The following HPD variants were observed in gnomAD, a reference collection of about 807,000 sequenced individuals.
HPD encodes 4-hydroxyphenylpyruvic acid oxidase.
A neutral mutation model predicts 56.9 loss-of-function variants in HPD; 35 were observed. That is an observed-to-expected ratio of 0.62 (90% CI 0.47 to 0.82). The LOEUF is 0.82. Ranked by LOEUF, HPD falls within the 40% of genes least tolerant of loss-of-function variation. HPD has a pLI of 0.00. For synonymous variants in HPD, 186 were observed against 200.2 expected, an observed-to-expected ratio of 0.93 and a Z score of 0.60; for missense variants, 442 against 506.8, an observed-to-expected ratio of 0.87 and a Z score of 1.23.
At chr12:121,847,285 C>A in intron 9 of HPD, 71 bp from the exon 10 acceptor site, 1 of 1,410,838 alleles carries the variant, frequency 7.1e-7, no homozygotes. Flanking sequence ...CCATTTCCAC[C>A]TTCCAGAATC....
chr12:121,857,499 G>A (rs1878047812), intron 3 of HPD, 67 bp from the exon 4 acceptor site: 3 of 1,253,064 alleles, frequency 2.4e-6, no homozygotes, highest in African/African-American at 2.9e-5. Context: ...TTCCGCAAGA[G>A]AGCCCCTGGC....
chr12:121,867,994 G>C (rs1878369639), upstream of HPD, among the ~76,000 whole-genome samples: 1 of 152,134 alleles, frequency 6.6e-6, no homozygotes, highest in African/African-American at 2.4e-5. Context: ...CTCTATTGCT[G>C]AGCAGTGTTT....
the HPD span, among the ~76,000 whole-genome samples, chr12:121,887,514 G>A: frequency 6.6e-6 from 1 of 151,972 alleles, no homozygotes; most frequent in Non-Finnish European, 1.5e-5. Context: ...GGGATTACAG[G>A]TGTGTGCCAC....
chr12:121,885,719 T>C, the HPD span, among the ~76,000 whole-genome samples: 11 of 150,752 alleles, frequency 7.3e-5, no homozygotes, highest in African/African-American at 2.4e-4. Context: ...TCCCAGCACA[T>C]TGGGAGGCTA....
Position 121,840,011 on chromosome 12 carries a change from T to C in HPD, c.992A>G (p.Tyr331Cys), listed in dbSNP as rs755071945. 1 of 1,613,002 alleles carries C rather than the reference T, an allele frequency of 6.2e-7. No homozygotes were observed. Among genetic ancestry groups the C allele is most frequent in the South Asian group, 1.1e-5 (1 of 91,020 alleles). Residue 331 changes from tyrosine to cysteine, a missense_variant, in exon 13 of 14, where the codon TAC (tyrosine) becomes TGC (cysteine). Tyr to Cys is a radical substitution (Grantham distance 194). Transcript: ENST00000289004. ...KILVDYDEKG[Y>C]LLQIFTKPVQ... ...CGGTTTGGTGAAGATCTGCAGGAGG[T>C]AGCCTTTCTCGTCGTAGTCCACCAG... is the stretch of plus-strand genomic sequence containing the variant.
At chr12:121,860,705 G>A (rs1046457607), upstream of HPD, among the ~76,000 whole-genome samples, 6 of 152,226 alleles carry the variant, frequency 3.9e-5, no homozygotes. Flanking sequence ...GATCAGATGG[G>A]TTCATAGGAC....
chr12:121,867,395 G>A (rs1463999827), upstream of HPD, among the ~76,000 whole-genome samples: 1 of 150,824 alleles, frequency 6.6e-6, no homozygotes, highest in Non-Finnish European at 1.5e-5. Context: ...GTTGATGCTT[G>A]CATCCAGACT....
rs1254439887 is a variant in HPD, at chr12:121,857,542, G to A, written c.94-110C>T. 5 of 920,588 alleles carry A rather than the reference G, an allele frequency of 5.4e-6. No homozygotes were observed. In the African/African-American group the frequency reaches 6.5e-5, roughly 12 times the overall value. The allele number at this position is 920,588 out of a possible 1,614,324, so 57.0% of individuals were successfully genotyped here. ...AGCCTGCCTGCCCTATTGCCTCAGG[G>A]GCAGAGACCCTCCTGGGAAGATAGA... On this transcript the variant is annotated intron_variant, in intron 3 of 13. Coordinates refer to ENST00000289004, the MANE Select transcript of HPD (RefSeq NM_002150.3).
the HPD span, among the ~76,000 whole-genome samples, chr12:121,886,629 A>G: frequency 6.6e-6 from 1 of 152,124 alleles, no homozygotes; most frequent in African/African-American, 2.4e-5. Context: ...GCAAGTTAGT[A>G]GCAGAAATCA....
chr12:121,856,139 T>G, intron 6 of HPD, 185 bp downstream of exon 6: 1 of 673,056 alleles, frequency 1.5e-6, no homozygotes, highest in Non-Finnish European at 2.7e-6. Flanking sequence ...CACACCAGCA[T>G]CTGGGCTTGT....
chr12:121,843,778 A>G lies in HPD; in HGVS notation c.886T>C (p.Tyr296His). The G allele has an allele frequency of 1.2e-6, 2 of 1,614,118 alleles. No homozygotes were observed. The highest frequency in any genetic ancestry group is 1.7e-5 in the Admixed American group (1 of 60,002). The change falls in exon 12 of 14, where the codon TAC becomes CAC. Residue 296 changes from tyrosine (Y) to histidine (H), a missense_variant. Tyr to His is a moderately conservative substitution (Grantham distance 83). Transcript: ENST00000289004. Reference sequence around the variant, plus strand: ...TTCAGCTTCTCCCGCAGTTGTTTGTAGTACGTGGAGGGAACAGATAAGAAC... The same window carrying G: ...TTCAGCTTCTCCCGCAGTTGTTTGTGGTACGTGGAGGGAACAGATAAGAAC... ...LEFLSVPSTY[Y>H]KQLREKLKTA...
At chr12:121,849,382 A>G (rs1877689110) in intron 8 of HPD, among the ~76,000 whole-genome samples, 1 of 151,974 alleles carries the variant, frequency 6.6e-6, no homozygotes, top group African/African-American at 2.4e-5. Context: ...TTGTCAACTC[A>G]TTTACTATTA....
At chr12:121,872,744 C>G in the HPD span, among the ~76,000 whole-genome samples, 324 of 151,902 alleles carry the variant, frequency 2.1e-3, 5 homozygotes, top group East Asian at 0.036. Context: ...GAGGCTCACT[C>G]TGAGCTCTGA....
upstream of HPD, among the ~76,000 whole-genome samples, chr12:121,865,360 C>T (rs1424140466): frequency 2.0e-5 from 3 of 151,798 alleles, no homozygotes; most frequent in South Asian, 2.1e-4. Flanking sequence ...ACCTCCGCCT[C>T]CCGGGTTCAA....
chr12:121,843,824 G>A lies in HPD; in HGVS notation c.840C>T (p.His280=), dbSNP rs768685136. The A allele has an allele frequency of 1.2e-6, 2 of 1,614,112 alleles. No individual in the cohort carries two copies. Among genetic ancestry groups the A allele is most frequent in the South Asian group, 2.2e-5 (2 of 91,076 alleles). The part of the protein sequence containing the change: ...KTEDIITAIR[H]LRERGLEFLS... ...AGAACTCCAGGCCTCTCTCTCTCAAGTGGCGAATCTGTTTCAGAGCAAAGC... is the reference window on the plus strand; with the variant it reads ...AGAACTCCAGGCCTCTCTCTCTCAAATGGCGAATCTGTTTCAGAGCAAAGC... The change falls in exon 12 of 14, where the codon CAC becomes CAT. Residue 280 remains histidine, a synonymous_variant. Coordinates refer to ENST00000289004, the MANE Select transcript of HPD (RefSeq NM_002150.3).
the HPD span, among the ~76,000 whole-genome samples, chr12:121,871,549 C>T: frequency 1.3e-5 from 2 of 152,182 alleles, no homozygotes; most frequent in African/African-American, 4.8e-5. Flanking sequence ...CAGCTGGGAC[C>T]AGAGCAGGTG....
rs776782918 is a variant in HPD, at chr12:121,857,789, A to G, written c.61T>C (p.Ser21Pro). 7.4e-6 allele frequency: 12 copies of G among 1,614,002 alleles called. No individual in the cohort carries two copies. The Admixed American group carries it at 2.0e-4, about 27-fold the overall frequency. Residue 21 changes from serine (S) to proline (P), a missense_variant, in exon 3 of 14, where the codon TCT becomes CCT. By Grantham distance (74) the Ser-to-Pro change is moderately conservative (BLOSUM62 -1). Transcript: ENST00000289004. ...GCGTTGCCAACCCAGAAGGTCACAGAGTGGAAGTGGAGGAATCGGCCTCTC... is the reference window on the plus strand; with the variant it reads ...GCGTTGCCAACCCAGAAGGTCACAGGGTGGAAGTGGAGGAATCGGCCTCTC... The part of the protein sequence containing the change: ...PERGRFLHFH[S>P]VTFWVGNAKQ...
At chr12:121,877,397 C>T in the HPD span, among the ~76,000 whole-genome samples, 1 of 152,012 alleles carries the variant, frequency 6.6e-6, no homozygotes, top group Admixed American at 6.6e-5. Flanking sequence ...GGCTGCTGGC[C>T]ACAGACCTGA....
At chr12:121,882,946 T>C in the HPD span, among the ~76,000 whole-genome samples, 4 of 152,070 alleles carry the variant, frequency 2.6e-5, no homozygotes, top group East Asian at 3.9e-4. Flanking sequence ...CAGGCTGGTC[T>C]TGAACTACCG....
Sources: allele counts gnomAD v4.1 joint callset (sites outside exome capture counted in the v4.1 genomes callset), GRCh38; gene constraint gnomAD v4.1.1; transcripts MANE v1.5; gene names NCBI Gene and HGNC (gene_info 2026-07-23, HGNC 2026-07-21).